Variants in COBL observed in about 807,000 individuals in gnomAD.
COBL encodes protein cordon-bleu.
A neutral mutation model predicts 98.8 loss-of-function variants in COBL; 51 were observed. The observed-to-expected ratio is 0.52, with a 90% CI of 0.41 to 0.65. The LOEUF (loss-of-function observed/expected upper bound fraction) is 0.65. COBL is among the 30% of genes least tolerant of loss of function. The pLI, the probability that COBL is intolerant of heterozygous loss-of-function variation, is 0.00. For synonymous variants in COBL, 634 were observed against 651.7 expected (o/e 0.97, Z 0.41); for missense variants, 1,617 against 1,617.5 (o/e 1.00, Z 0.01).
intron 5 of COBL, among the ~76,000 whole-genome samples, chr7:51,165,298 C>CA (rs1287133753): frequency 6.6e-6 from 1 of 151,266 alleles, no homozygotes; most frequent in Non-Finnish European, 1.5e-5. Flanking sequence ...CAATGGAAAC[C>CA]AAAAAAAGAG....
intron 1 of COBL, among the ~76,000 whole-genome samples, chr7:51,305,855 G>A (rs1802419472): frequency 6.6e-6 from 1 of 152,116 alleles, no homozygotes; most frequent in Admixed American, 6.6e-5. Context: ...CCAACATGGT[G>A]AAGACCCGTC....
intron 2 of COBL, among the ~76,000 whole-genome samples, chr7:51,201,428 A>C (rs1341535978): frequency 6.6e-6 from 1 of 152,142 alleles, no homozygotes; most frequent in Non-Finnish European, 1.5e-5. Context: ...TAAACCACCA[A>C]CATGAAAGCA....
chr7:51,161,271 A>G (rs546447837), intron 5 of COBL, among the ~76,000 whole-genome samples: 23 of 152,236 alleles, frequency 1.5e-4, no homozygotes, highest in Non-Finnish European at 1.5e-4. Context: ...GTTCTCTGTA[A>G]TCCCCCTGGA....
At chr7:51,260,678 G>A (rs986032095) in intron 1 of COBL, among the ~76,000 whole-genome samples, 2 of 152,234 alleles carry the variant, frequency 1.3e-5, no homozygotes, top group East Asian at 1.9e-4. Flanking sequence ...ATAAGGAAGG[G>A]TCGCTACAGG....
intron 6 of COBL, among the ~76,000 whole-genome samples, chr7:51,110,248 C>T (rs1276962862): frequency 6.6e-6 from 1 of 152,004 alleles, no homozygotes; most frequent in African/African-American, 2.4e-5. Context: ...TAAGCATTCC[C>T]TCTTCCTCCC....
chr7:51,303,955 A>T (rs1477320225), intron 1 of COBL, among the ~76,000 whole-genome samples: 1 of 152,112 alleles, frequency 6.6e-6, no homozygotes, highest in Non-Finnish European at 1.5e-5. Context: ...TCAGACATTT[A>T]TTTTTATATT....
intron 1 of COBL, among the ~76,000 whole-genome samples, chr7:51,307,020 G>A (rs932304151): frequency 1.3e-5 from 2 of 152,176 alleles, no homozygotes; most frequent in African/African-American, 4.8e-5. Context: ...GACGAGAGAC[G>A]TCAGAGTCAC....
At chr7:51,186,403 T>C (rs947913101) in intron 4 of COBL, among the ~76,000 whole-genome samples, 1 of 152,230 alleles carries the variant, frequency 6.6e-6, no homozygotes, top group Admixed American at 6.5e-5. Flanking sequence ...GATGACATCA[T>C]AGTATCCTAC....
chr7:51,085,043 C>A, intron 7 of COBL, 123 bp downstream of exon 7: 1 of 1,366,536 alleles, frequency 7.3e-7, no homozygotes. Flanking sequence ...CTTTCTTTAG[C>A]ATTAATATTT....
At chr7:51,066,894 T>C (rs1406054231) in intron 7 of COBL, among the ~76,000 whole-genome samples, 2 of 152,256 alleles carry the variant, frequency 1.3e-5, no homozygotes, top group Non-Finnish European at 2.9e-5. Flanking sequence ...TTTACTAACA[T>C]GGTTGATTTG....
At chr7:51,053,380 C>A (rs1022075060) in intron 7 of COBL, among the ~76,000 whole-genome samples, 19 of 152,136 alleles carry the variant, frequency 1.2e-4, no homozygotes, top group African/African-American at 4.6e-4. Context: ...CCTGTGCTGC[C>A]CTCAGGGACC....
intron 8 of COBL, among the ~76,000 whole-genome samples, chr7:51,037,199 T>C (rs1252178644): frequency 6.6e-6 from 1 of 152,218 alleles, no homozygotes; most frequent in South Asian, 2.1e-4. Context: ...GTTACAAAGA[T>C]TACCTAGCAA....
chr7:51,213,035 A>G (rs1584194830), intron 2 of COBL, among the ~76,000 whole-genome samples: 1 of 152,356 alleles, frequency 6.6e-6, no homozygotes, highest in Non-Finnish European at 1.5e-5. Context: ...ACAATGTTAA[A>G]ACAAATTTAA....
At chr7:51,173,940 CAT>C (rs1286222397) in intron 5 of COBL, among the ~76,000 whole-genome samples, 1 of 152,132 alleles carries the variant, frequency 6.6e-6, no homozygotes. Flanking sequence ...CATATACACA[CAT>C]ACCTATAATT....
intron 4 of COBL, chr7:51,187,860 G>A: frequency 8.3e-7 from 1 of 1,199,500 alleles, no homozygotes; most frequent in Non-Finnish European, 1.0e-6. Context: ...TGACCCCAGA[G>A]CCATGCATAG....
At chr7:51,306,571 G>C (rs1012234227) in intron 1 of COBL, among the ~76,000 whole-genome samples, 26 of 152,298 alleles carry the variant, frequency 1.7e-4, no homozygotes, top group African/African-American at 5.8e-4. Context: ...TCATCAGCCA[G>C]TATCAGGCAG....
intron 1 of COBL, among the ~76,000 whole-genome samples, chr7:51,235,051 GC>G (rs1261842230): frequency 6.6e-6 from 1 of 152,180 alleles, no homozygotes; most frequent in Non-Finnish European, 1.5e-5. Context: ...ACAGTCTGCA[GC>G]CCTCACAACG....
chr7:51,039,797 G>T (rs1046062410), intron 8 of COBL, among the ~76,000 whole-genome samples: 1 of 152,144 alleles, frequency 6.6e-6, no homozygotes, highest in African/African-American at 2.4e-5. Context: ...TATGTGTTCC[G>T]TTTCACCCTG....
rs1791817744 is a variant in COBL, at chr7:51,207,209, T to C, written c.245+12532A>G. Among the ~76,000 whole-genome samples, 3 of 152,122 alleles carry C rather than the reference T, an allele frequency of 2.0e-5. No individual in the cohort carries two copies. The South Asian group carries it at 6.2e-4, about 32-fold the overall frequency. ...CACAAGAAAAAAAAGAAAATCACTT[T>C]TCCCAATAGGTACTTGGTACAGCGG... On this transcript the variant is annotated intron_variant, in intron 2 of 12. Coordinates refer to ENST00000265136, the MANE Select transcript of COBL (RefSeq NM_015198.5).
Sources: gnomAD v4.1 joint callset for allele counts (sites outside exome capture counted in the v4.1 genomes callset) on GRCh38, gnomAD v4.1.1 for gene constraint, MANE v1.5 for transcripts, NCBI Gene and HGNC (gene_info 2026-07-23, HGNC 2026-07-21) for gene names.